EAF2: variants seen among roughly 807,000 people sequenced by gnomAD.
The protein encoded by EAF2 is ELL-associated factor 2.
Under a neutral mutation model 29.4 loss-of-function variants are expected in EAF2, and 29 were observed. The ratio of observed to expected loss-of-function variants is 0.99; its 90% CI spans 0.73 to 1.35. The LOEUF is 1.35. EAF2 is among the 40% of genes most tolerant of loss of function. The pLI is 0.00. For missense variants in EAF2, 292 were observed against 312.0 expected, an observed-to-expected ratio of 0.94 and a Z score of 0.48; for synonymous variants, 103 against 102.5, an observed-to-expected ratio of 1.00 and a Z score of -0.03.
At chr3:121,864,652 CAA>C (rs72425467) in intron 4 of EAF2, among the ~76,000 whole-genome samples, 56,002 of 151,022 alleles carry the variant, frequency 0.37, 11,010 homozygotes, top group East Asian at 0.71. Flanking sequence ...CCCATCTCTA[CAA>C]AAAAATGCAA....
At chr3:121,863,829 C>G (rs556422558) in intron 4 of EAF2, among the ~76,000 whole-genome samples, 1 of 152,200 alleles carries the variant, frequency 6.6e-6, no homozygotes, top group East Asian at 1.9e-4. Context: ...ATCTTGGAAC[C>G]TCCCCTTGTA....
intron 4 of EAF2, among the ~76,000 whole-genome samples, chr3:121,868,607 T>A (rs552296249): frequency 2.2e-4 from 33 of 151,972 alleles, no homozygotes; most frequent in Middle Eastern, 3.4e-3. Flanking sequence ...CAAAAATAAA[T>A]AAATAAATAA....
chr3:121,884,822 T>C (rs1709256607), intron 5 of EAF2, among the ~76,000 whole-genome samples: 1 of 151,358 alleles, frequency 6.6e-6, no homozygotes, highest in Admixed American at 6.6e-5. Context: ...AAACTATTCT[T>C]CTTAAATTAG....
intron 2 of EAF2, among the ~76,000 whole-genome samples, chr3:121,852,279 A>G (rs1420531282): frequency 1.3e-5 from 2 of 152,230 alleles, no homozygotes; most frequent in East Asian, 3.8e-4. Context: ...TCTTGCACAA[A>G]TCTCTTATCA....
At chr3:121,844,876 G>A (rs765190756) in intron 2 of EAF2, among the ~76,000 whole-genome samples, 1 of 152,084 alleles carries the variant, frequency 6.6e-6, no homozygotes, top group East Asian at 1.9e-4. Context: ...ATCTTTTATA[G>A]CAGACAGACA....
chr3:121,850,205 A>G (rs1000028550), intron 2 of EAF2, among the ~76,000 whole-genome samples: 1 of 133,276 alleles, frequency 7.5e-6, no homozygotes, highest in Non-Finnish European at 1.6e-5. Context: ...GTCTATTCAC[A>G]TTTAGTTCAA....
chr3:121,843,789 T>C (rs1708473648), intron 1 of EAF2, among the ~76,000 whole-genome samples: 1 of 152,154 alleles, frequency 6.6e-6, no homozygotes, highest in South Asian at 2.1e-4. Flanking sequence ...TATTTTAAGA[T>C]CTTCTAAAGT....
chr3:121,869,800 G>A (rs1393220056), intron 4 of EAF2, among the ~76,000 whole-genome samples: 2 of 152,048 alleles, frequency 1.3e-5, no homozygotes, highest in East Asian at 3.9e-4. Flanking sequence ...GAGGTGAGTG[G>A]ATTGCTTGAG....
rs1709212791 is a variant in EAF2 at position 121,882,786 on chromosome 3, G to GT, written c.737-3556_737-3555insT. On this transcript the variant is annotated intron_variant, in intron 5 of 5. Transcript: ENST00000273668. ...CAGTAATAACCACTTGGGAGGTGGTGGTTTTTTTTTTTTAAGTAAAAATAG... is the reference window on the plus strand; with the variant it reads ...CAGTAATAACCACTTGGGAGGTGGTGTGTTTTTTTTTTTTAAGTAAAAATAG... 1.1e-4 allele frequency among the ~76,000 whole-genome samples: 10 copies of GT among 94,358 alleles called. No homozygotes were observed. The South Asian group carries it at 2.2e-3, about 21-fold the overall frequency. 61.9% of individuals were successfully genotyped at this position (94,358 alleles called of 152,430 possible).
chr3:121,836,796 T>C (rs903230107), intron 1 of EAF2: 2 of 986,530 alleles, frequency 2.0e-6, no homozygotes, highest in East Asian at 2.3e-4. Flanking sequence ...CCTTCTCAGG[T>C]ATGCAATAGT....
At chr3:121,835,440 G>T (rs954302405) in intron 1 of EAF2, 49 bp downstream of exon 1, 17 of 1,531,244 alleles carry the variant, frequency 1.1e-5, no homozygotes, top group African/African-American at 2.7e-5. Flanking sequence ...CGGGATGGGG[G>T]TGAAGAGGCA....
intron 2 of EAF2, among the ~76,000 whole-genome samples, chr3:121,845,785 T>G (rs1368766466): frequency 3.1e-5 from 4 of 128,568 alleles, no homozygotes; most frequent in African/African-American, 9.0e-5. Flanking sequence ...AGAAAGAGAC[T>G]GTCAGGGGAG....
intron 2 of EAF2, among the ~76,000 whole-genome samples, chr3:121,852,410 T>C (rs1708649129): frequency 6.6e-6 from 1 of 152,206 alleles, no homozygotes; most frequent in Admixed American, 6.5e-5. Flanking sequence ...ATCATGCTCC[T>C]GACTCTCCAG....
chr3:121,851,173 G>T (rs549521025), intron 2 of EAF2, among the ~76,000 whole-genome samples: 8 of 151,300 alleles, frequency 5.3e-5, no homozygotes, highest in Non-Finnish European at 1.0e-4. Context: ...ACATATGCAC[G>T]CACTTATTTT....
At chr3:121,881,613 A>T (rs1709191984) in intron 5 of EAF2, among the ~76,000 whole-genome samples, 1 of 151,800 alleles carries the variant, frequency 6.6e-6, no homozygotes, top group East Asian at 1.9e-4. Flanking sequence ...AGGTTCAAGC[A>T]ATTCTTCTGC....
chr3:121,875,359 G>A (rs551176825), intron 5 of EAF2, among the ~76,000 whole-genome samples: 26 of 152,066 alleles, frequency 1.7e-4, no homozygotes, highest in African/African-American at 5.1e-4. Context: ...CTTGATATCC[G>A]TTGACTCCTT....
In EAF2 at chr3:121,863,789, G is replaced by A. The variant is rs143739458; in HGVS notation, c.484+6633G>A. Among the ~76,000 whole-genome samples, 787 of 152,164 alleles carry A rather than the reference G, an allele frequency of 5.2e-3. 9 individuals carry two copies. Among genetic ancestry groups the A allele is most frequent in the African/African-American group, 0.018 (735 of 41,524 alleles). On this transcript the variant is annotated intron_variant, in intron 4 of 5. Transcript: ENST00000273668. ...ATCTTCTGCGTGGCTCATGGTGGGA[G>A]CTGTAGACTGGAGCTGTTCCTATTC...
intron 5 of EAF2, chr3:121,873,046 G>A: frequency 1.4e-6 from 1 of 716,696 alleles, no homozygotes; most frequent in Non-Finnish European, 2.5e-6. Context: ...AGTCATTAAA[G>A]TTGGAGTTTC....
intron 4 of EAF2, among the ~76,000 whole-genome samples, chr3:121,864,469 G>A (rs1708889567): frequency 6.6e-6 from 1 of 152,002 alleles, no homozygotes; most frequent in African/African-American, 2.4e-5. Context: ...TAAAATATTG[G>A]TACAGAAAAT....
Sources: allele counts gnomAD v4.1 joint callset (sites outside exome capture counted in the v4.1 genomes callset), GRCh38; gene constraint gnomAD v4.1.1; transcripts MANE v1.5; gene names NCBI Gene and HGNC (gene_info 2026-07-23, HGNC 2026-07-21).